The following PRP4K variants were observed in gnomAD, a reference collection of about 807,000 sequenced individuals.
PRP4K encodes pre-mRNA processing factor kinase PRP4K, also known as serine/threonine-protein kinase PRP4 homolog.
chr6:4,035,223 T>A, the PRP4K span, among the ~76,000 whole-genome samples: 1 of 149,574 alleles, frequency 6.7e-6, no homozygotes, highest in Non-Finnish European at 1.5e-5. Flanking sequence ...TTCAAGCAAT[T>A]CTCCTGCCTC....
chr6:4,032,833 T>TA, the PRP4K span: 1 of 1,360,090 alleles, frequency 7.4e-7, no homozygotes, highest in Non-Finnish European at 9.6e-7. Flanking sequence ...TGTGGACCAT[T>TA]AAAAATGAAG....
chr6:4,030,162 T>G, the PRP4K span, among the ~76,000 whole-genome samples: 1 of 152,068 alleles, frequency 6.6e-6, no homozygotes, highest in African/African-American at 2.4e-5. Context: ...AGGCTGGTCT[T>G]GAACTCCTGA....
chr6:4,021,379 C>A, the PRP4K span: 1 of 1,556,812 alleles, frequency 6.4e-7, no homozygotes, highest in Non-Finnish European at 8.7e-7. Flanking sequence ...TACCCTCCAC[C>A]GTCCGGGAGC....
the PRP4K span, among the ~76,000 whole-genome samples, chr6:4,025,061 A>G: frequency 6.6e-6 from 1 of 152,234 alleles, no homozygotes; most frequent in East Asian, 1.9e-4. Flanking sequence ...GCTTCCAAAT[A>G]ATGTGATCTG....
the PRP4K span, chr6:4,021,362 C>T: frequency 7.1e-6 from 11 of 1,550,346 alleles, no homozygotes; most frequent in South Asian, 1.2e-5. Flanking sequence ...TCTTCCTCCA[C>T]TTCCCCTACC....
At chr6:4,042,792 C>T in the PRP4K span, among the ~76,000 whole-genome samples, 27 of 152,200 alleles carry the variant, frequency 1.8e-4, no homozygotes, top group Middle Eastern at 6.8e-3. Flanking sequence ...ACATAGAATT[C>T]TGATGTAAAC....
chr6:4,029,613 A>G, the PRP4K span, among the ~76,000 whole-genome samples: 4 of 152,026 alleles, frequency 2.6e-5, no homozygotes, highest in East Asian at 5.8e-4. Context: ...TTGGCCTTCC[A>G]TGGTGCTGGG....
the PRP4K span, chr6:4,051,972 A>G: frequency 6.3e-7 from 1 of 1,576,200 alleles, no homozygotes; most frequent in South Asian, 1.2e-5. Flanking sequence ...AGACTGGTTT[A>G]AAAGAATTAG....
chr6:4,049,661 G>A, the PRP4K span: 1 of 1,434,310 alleles, frequency 7.0e-7, no homozygotes, highest in Non-Finnish European at 9.6e-7. Context: ...TTAAATGACT[G>A]CACTGTGTTT....
chr6:4,031,602 G>A, the PRP4K span: 2 of 1,580,884 alleles, frequency 1.3e-6, no homozygotes, highest in Non-Finnish European at 1.7e-6. Context: ...TGAAGAAAAT[G>A]GAGAAGTATC....
the PRP4K span, chr6:4,021,491 A>G: frequency 2.5e-6 from 4 of 1,571,686 alleles, no homozygotes; most frequent in Non-Finnish European, 2.6e-6. Context: ...TGAGTGGGCC[A>G]GAAGCTGGAG....
the PRP4K span, among the ~76,000 whole-genome samples, chr6:4,058,095 C>T: frequency 5.3e-5 from 8 of 152,134 alleles, no homozygotes; most frequent in African/African-American, 1.9e-4. Flanking sequence ...AGCCTTGAAC[C>T]GAACCCCTGG....
At chr6:4,052,696 C>T in the PRP4K span, 23 of 1,477,842 alleles carry the variant, frequency 1.6e-5, no homozygotes, top group Admixed American at 4.7e-5. Flanking sequence ...ATTTTGTTTT[C>T]TTTTTTTAAT....
At chr6:4,037,099 G>A in the PRP4K span, among the ~76,000 whole-genome samples, 2 of 152,094 alleles carry the variant, frequency 1.3e-5, no homozygotes, top group Non-Finnish European at 2.9e-5. Flanking sequence ...TACTCACTTG[G>A]GGAGGTTTTA....
chr6:4,051,066 C>T, the PRP4K span, among the ~76,000 whole-genome samples: 21 of 152,158 alleles, frequency 1.4e-4, no homozygotes, highest in East Asian at 2.7e-3. Context: ...CCCACCACCA[C>T]GCCCAGCTAA....
At chr6:4,060,931 AT>A in the PRP4K span, 407 of 292,648 alleles carry the variant, frequency 1.4e-3, 2 homozygotes, top group African/African-American at 8.4e-3. The surrounding 1 kb of genome is among the most constrained non-coding windows in gnomAD (Gnocchi z 4.7). Flanking sequence ...TGGGTGGTTG[AT>A]TTGTTCTTAG....
chr6:4,033,442 A>C, the PRP4K span, among the ~76,000 whole-genome samples: 1 of 152,198 alleles, frequency 6.6e-6, no homozygotes, highest in East Asian at 1.9e-4. Context: ...TCTCATACCT[A>C]ATTTATAAAT....
chr6:4,056,490 A>G, the PRP4K span: 2 of 1,612,484 alleles, frequency 1.2e-6, no homozygotes, highest in Non-Finnish European at 1.7e-6. Context: ...GAAACCGCAT[A>G]CTTAATGTCT....
At chr6:4,054,634 G>A in the PRP4K span, among the ~76,000 whole-genome samples, 5 of 152,144 alleles carry the variant, frequency 3.3e-5, no homozygotes, top group Non-Finnish European at 5.9e-5. Context: ...AGCCTCCCGA[G>A]TAACTGGGAT....
Sources: allele counts gnomAD v4.1 joint callset (sites outside exome capture counted in the v4.1 genomes callset), GRCh38; gene constraint gnomAD v4.1.1; non-coding constraint Gnocchi (gnomAD v3.1); transcripts MANE v1.5; gene names NCBI Gene and HGNC (gene_info 2026-07-23, HGNC 2026-07-21).